EZH2: variants seen among roughly 807,000 people sequenced by gnomAD.
EZH2 encodes the protein histone-lysine N-methyltransferase EZH2.
In EZH2, 18 loss-of-function variants were observed where a neutral mutation model predicts 98.4. The ratio of observed to expected loss-of-function variants is 0.18; its 90% confidence interval spans 0.13 to 0.27. The LOEUF (loss-of-function observed/expected upper bound fraction) is 0.27. Among genes scored for constraint, EZH2 ranks in the 10% least tolerant of loss-of-function variants. The probability of loss-of-function intolerance (pLI) is 1.00; values close to 1 mark genes in which losing one functional copy is unlikely to be tolerated. For missense variants in EZH2, 470 were observed against 935.1 expected, an observed-to-expected ratio of 0.50 and a Z score of 6.49; for synonymous variants, 338 against 312.3, an observed-to-expected ratio of 1.08 and a Z score of -0.87.
chr7:148,809,287 A>G (rs1802396919), intron 18 of EZH2, 23 bp downstream of exon 18: 1 of 1,597,934 alleles, frequency 6.3e-7, no homozygotes, highest in African/African-American at 1.3e-5. Context: ...GGGAGTTCCA[A>G]TTCTCACGTC....
chr7:148,819,920 G>A lies in EZH2; in HGVS notation c.908-233C>T, dbSNP rs562117999. 6.6e-5 allele frequency among the ~76,000 whole-genome samples: 10 copies of A among 152,274 alleles called. No homozygotes were observed. The East Asian group carries it at 1.2e-3, about 18-fold the overall frequency. ...AAAACAGTAAATTCTGGAATGAGTC[G>A]TGATTTCTCATTTTTCTCCTTGCAA... On this transcript the variant is annotated intron_variant, in intron 8 of 19. Coordinates refer to ENST00000320356, the MANE Select transcript of EZH2 (RefSeq NM_004456.5).
intron 1 of EZH2, among the ~76,000 whole-genome samples, chr7:148,859,066 A>G (rs1817272208): frequency 6.6e-6 from 1 of 152,258 alleles, no homozygotes; most frequent in South Asian, 2.1e-4. Context: ...AAAGAAAAGA[A>G]GGGTTAATAT....
Position 148,847,789 on chromosome 7 carries a change from A to G in EZH2, c.-7-484T>C, listed in dbSNP as rs190358028. Among the ~76,000 whole-genome samples, 151 of 152,342 alleles carry G rather than the reference A, an allele frequency of 9.9e-4. 1 individual carries two copies. Among genetic ancestry groups the G allele is most frequent in the Non-Finnish European group, 1.9e-3 (126 of 68,028 alleles). ...TAGAAAACATACAGTTCACCATATA[A>G]TAAAATGTACAAAGGTACTCTCTCC... On this transcript the variant is annotated intron_variant, in intron 1 of 19. Coordinates refer to ENST00000320356, the MANE Select transcript of EZH2 (RefSeq NM_004456.5).
intron 4 of EZH2, among the ~76,000 whole-genome samples, chr7:148,831,990 C>T (rs1809531078): frequency 6.6e-6 from 1 of 152,088 alleles, no homozygotes; most frequent in Non-Finnish European, 1.5e-5. Flanking sequence ...TAAAATGCTA[C>T]CTAAAGTTGT....
chr7:148,850,328 T>G (rs775709710), intron 1 of EZH2: 9 of 247,756 alleles, frequency 3.6e-5, no homozygotes, highest in Non-Finnish European at 5.8e-5. Flanking sequence ...TACAATTTAT[T>G]TTTTAAGATA....
chr7:148,842,645 T>C (rs1010418447), intron 3 of EZH2, among the ~76,000 whole-genome samples: 3 of 152,222 alleles, frequency 2.0e-5, no homozygotes, highest in African/African-American at 7.2e-5. Flanking sequence ...ATATAGTCAC[T>C]GTCTTCAAAA....
At chr7:148,880,755 T>C (rs933312878) in intron 1 of EZH2, among the ~76,000 whole-genome samples, 3 of 152,250 alleles carry the variant, frequency 2.0e-5, no homozygotes, top group South Asian at 4.1e-4. Context: ...CCTACATTTT[T>C]CATATTTCCT....
chr7:148,845,581 A>AG (rs1813797754), intron 3 of EZH2, among the ~76,000 whole-genome samples: 1 of 152,218 alleles, frequency 6.6e-6, no homozygotes. Flanking sequence ...CACAATCTCC[A>AG]GAAGGCCTCA....
At chr7:148,815,658 C>G (rs543249879) in intron 12 of EZH2, 112 bp from the exon 13 acceptor site, 2 of 944,956 alleles carry the variant, frequency 2.1e-6, no homozygotes, top group Non-Finnish European at 3.4e-6. Context: ...GCGTTAAAGC[C>G]AAGAGTCATG....
chr7:148,833,388 C>T lies in EZH2; in HGVS notation c.247-638G>A, dbSNP rs1008106538. Among the ~76,000 whole-genome samples the T allele has an allele frequency of 7.3e-5, 11 of 150,964 alleles. 1 individual carries two copies. The highest frequency in any genetic ancestry group is 4.6e-4 in the Admixed American group (7 of 15,168). ...AGGAGAATGGCGTGAACCCGGGAGG[C>T]GGAGCTTGCAGTGAGTCGAGATCGC... is the stretch of plus-strand genomic sequence containing the variant. On this transcript the variant is annotated intron_variant, in intron 3 of 19. Coordinates refer to ENST00000320356, the MANE Select transcript of EZH2 (RefSeq NM_004456.5).
chr7:148,819,842 A>G (rs1805514282), intron 8 of EZH2, among the ~76,000 whole-genome samples, 155 bp from the exon 9 acceptor site: 2 of 152,222 alleles, frequency 1.3e-5, no homozygotes, highest in South Asian at 4.1e-4. Context: ...CTCTTACTGA[A>G]TGATCACAAC....
intron 1 of EZH2, among the ~76,000 whole-genome samples, chr7:148,861,118 C>T (rs1259336702): frequency 6.6e-6 from 1 of 152,002 alleles, no homozygotes; most frequent in African/African-American, 2.4e-5. Context: ...TGCATATAAC[C>T]TATGCACATT....
Position 148,814,832 on chromosome 7 carries a change from G to C in EZH2, c.1672+82C>G, listed in dbSNP as rs963482813. ...CAAGTAAACAAGGGAGTGCTCCCATGTTCTTATTTTTGATTTTTTAAATTG... is the reference window on the plus strand; with the variant it reads ...CAAGTAAACAAGGGAGTGCTCCCATCTTCTTATTTTTGATTTTTTAAATTG... On this transcript the variant is annotated intron_variant, in intron 14 of 19. Coordinates refer to ENST00000320356, the MANE Select transcript of EZH2 (RefSeq NM_004456.5). 4.3e-5 allele frequency: 64 copies of C among 1,501,526 alleles called. No individual in the cohort carries two copies. The African/African-American group carries it at 7.9e-4, about 19-fold the overall frequency. 93.0% of individuals were successfully genotyped at this position (1,501,526 alleles called of 1,614,324 possible).
chr7:148,880,349 C>T (rs1490685000), intron 1 of EZH2, among the ~76,000 whole-genome samples: 1 of 152,182 alleles, frequency 6.6e-6, no homozygotes, highest in Non-Finnish European at 1.5e-5. Flanking sequence ...CAAAACCTAC[C>T]TCAATTTACT....
At chr7:148,857,964 G>C (rs1817084505) in intron 1 of EZH2, among the ~76,000 whole-genome samples, 2 of 150,928 alleles carry the variant, frequency 1.3e-5, no homozygotes, top group African/African-American at 4.9e-5. Context: ...ATGAATAGAT[G>C]ATTAGAATTA....
intron 1 of EZH2, among the ~76,000 whole-genome samples, chr7:148,881,981 C>T (rs1200410400): frequency 5.6e-5 from 6 of 107,420 alleles, no homozygotes; most frequent in Admixed American, 5.3e-4. Flanking sequence ...CGCACACACA[C>T]ACACACACAC....
At chr7:148,833,721 GTC>G (rs1390489846) in intron 3 of EZH2, among the ~76,000 whole-genome samples, 4 of 152,124 alleles carry the variant, frequency 2.6e-5, no homozygotes, top group Non-Finnish European at 1.5e-5. Context: ...CACATTACAT[GTC>G]TTCTATTTAA....
chr7:148,816,504 T>C (rs564933451), intron 12 of EZH2, among the ~76,000 whole-genome samples, 180 bp downstream of exon 12: 1 of 152,368 alleles, frequency 6.6e-6, no homozygotes, highest in Admixed American at 6.5e-5. Flanking sequence ...GCTGCTGTAT[T>C]CTTATAGAAA....
At position 148,866,124 on chromosome 7, in the gene EZH2, T is replaced by C. The variant is rs546147235; in HGVS notation, c.-8+18040A>G. Among the ~76,000 whole-genome samples the C allele has an allele frequency of 8.9e-4, 135 of 152,272 alleles. 1 individual carries two copies. In the South Asian group the frequency reaches 0.019, roughly 22 times the overall value. On this transcript the variant is annotated intron_variant, in intron 1 of 19. Coordinates refer to ENST00000320356, the MANE Select transcript of EZH2 (RefSeq NM_004456.5). ...CAGTTATGAGCAGTAAGTCTTTCCA[T>C]GATTTTCCTATACTTAAAATTTATC...
Sources: allele counts gnomAD v4.1 joint callset (sites outside exome capture counted in the v4.1 genomes callset), GRCh38; gene constraint gnomAD v4.1.1; transcripts MANE v1.5; gene names NCBI Gene and HGNC (gene_info 2026-07-23, HGNC 2026-07-21).